Variants in USP6NL observed in about 807,000 individuals in gnomAD.
USP6NL encodes the protein USP6 N-terminal like.
A neutral mutation model predicts 61.9 loss-of-function variants in USP6NL; 26 were observed. The ratio of observed to expected loss-of-function variants is 0.42; its 90% CI spans 0.31 to 0.58. The LOEUF is 0.58. USP6NL is among the 20% of genes least tolerant of loss of function. The probability of loss-of-function intolerance (pLI) is 0.16; values close to 1 mark genes in which losing one functional copy is unlikely to be tolerated. For synonymous variants in USP6NL, 432 were observed against 390.1 expected, an observed-to-expected ratio of 1.11 and a Z score of -1.27; for missense variants, 1,114 against 1,034.3, an observed-to-expected ratio of 1.08 and a Z score of -1.06.
chr10:11,563,298 T>C (rs1405824621), intron 2 of USP6NL: 3 of 152,166 alleles, frequency 2.0e-5, no homozygotes, highest in East Asian at 1.9e-4. Context: ...AAGGGTATGA[T>C]AGAAAGGGCA....
chr10:11,497,343 G>A (rs1157309018), intron 7 of USP6NL, among the ~76,000 whole-genome samples: 10 of 149,892 alleles, frequency 6.7e-5, no homozygotes, highest in South Asian at 2.1e-4. Flanking sequence ...CCCGGGAGGC[G>A]GAGCTTGCAG....
In USP6NL at chr10:11,462,829, A is replaced by AC; in HGVS notation, c.2098dup (p.Val700GlyfsTer5). ...CCCAGCACCAGTGTCAACAGGGAGG[A>AC]CTTCTATTCGACTAGACGGCAGTAC... On this transcript the variant is annotated frameshift_variant, in exon 15 of 15. Coordinates refer to ENST00000609104, the MANE Select transcript of USP6NL (RefSeq NM_014688.5). LOFTEE classifies it low-confidence loss of function (END_TRUNC). 6.2e-7 allele frequency: 1 copy of AC among 1,613,888 alleles called. No individual in the cohort carries two copies. Among genetic ancestry groups the AC allele is most frequent in the Non-Finnish European group, 8.5e-7 (1 of 1,179,876 alleles).
At chr10:11,509,874 A>G (rs1156701451) in intron 5 of USP6NL, among the ~76,000 whole-genome samples, 199 bp from the exon 6 acceptor site, 1 of 152,226 alleles carries the variant, frequency 6.6e-6, no homozygotes, top group Non-Finnish European at 1.5e-5. Flanking sequence ...TTAATAGGAA[A>G]TGCTCTCTCT....
chr10:11,497,225 C>T (rs768807346), intron 7 of USP6NL, among the ~76,000 whole-genome samples: 12 of 149,260 alleles, frequency 8.0e-5, no homozygotes, highest in Admixed American at 6.7e-4. Context: ...TTGGCTAACA[C>T]GGTGAAACCC....
rs949321093 is a variant in USP6NL, at chr10:11,596,348, G to A, written c.4+1283C>T. Among the ~76,000 whole-genome samples, 8 of 152,134 alleles carry A rather than the reference G, an allele frequency of 5.3e-5. No homozygotes were observed. The highest frequency in any genetic ancestry group is 2.1e-4 in the South Asian group (1 of 4,834). ...AACAAAAGCTCTTTCTTGGCCGGGC[G>A]CGGTGGCTCACGCCTGTAATCCCAG... On this transcript the variant is annotated intron_variant, in intron 2 of 14. Transcript: ENST00000609104. The surrounding 1 kb of genome is among the most constrained non-coding windows in gnomAD (Gnocchi z 4.1).
At position 11,562,649 on chromosome 10, in the gene USP6NL, A is replaced by C; in HGVS notation, c.4+34982T>G. ...CTGAACAGTCCTCTAATTATTTGTGACACTCAACATTCATATGTTGTTAGC... is the reference window on the plus strand; with the variant it reads ...CTGAACAGTCCTCTAATTATTTGTGCCACTCAACATTCATATGTTGTTAGC... On this transcript the variant is annotated intron_variant, in intron 2 of 14. Transcript: ENST00000609104. This position sits in a 1 kb window ranked among gnomAD's most constrained non-coding sequence, Gnocchi z 4.8. 4 of 985,438 alleles carry C rather than the reference A, an allele frequency of 4.1e-6. No individual in the cohort carries two copies. Among genetic ancestry groups the C allele is most frequent in the Non-Finnish European group, 4.8e-6 (4 of 829,936 alleles). 61.0% of individuals were successfully genotyped at this position (985,438 alleles called of 1,614,324 possible). A position where few individuals can be genotyped will look rare whatever the true frequency, so the allele number is the denominator to read the frequency against.
intron 2 of USP6NL, among the ~76,000 whole-genome samples, chr10:11,539,410 T>C (rs557235758): frequency 2.0e-5 from 3 of 152,188 alleles, no homozygotes; most frequent in Non-Finnish European, 4.4e-5. Context: ...AGAAACAGTA[T>C]CACTTAGTGA....
chr10:11,505,644 G>T (rs557621533), intron 6 of USP6NL, among the ~76,000 whole-genome samples: 3 of 152,164 alleles, frequency 2.0e-5, no homozygotes, highest in South Asian at 4.2e-4. Flanking sequence ...AAAGTCTACA[G>T]TAGTCCCACA....
At chr10:11,504,536 ATCACACTG>A (rs1834353662) in intron 6 of USP6NL, among the ~76,000 whole-genome samples, 1 of 152,240 alleles carries the variant, frequency 6.6e-6, no homozygotes, top group Non-Finnish European at 1.5e-5. Flanking sequence ...TTTCTGCCAA[ATCACACTG>A]TCTTCTAAAA....
chr10:11,526,295 C>G (rs554679737), intron 3 of USP6NL, among the ~76,000 whole-genome samples: 1 of 152,288 alleles, frequency 6.6e-6, no homozygotes, highest in South Asian at 2.1e-4. Flanking sequence ...TCCCAACTGT[C>G]TTGTGGACAC....
Position 11,489,217 on chromosome 10 carries a change from G to A in USP6NL, c.549C>T (p.Val183=), listed in dbSNP as rs746500921. 2.6e-5 allele frequency: 42 copies of A among 1,613,558 alleles called. No individual in the cohort carries two copies. Among genetic ancestry groups the A allele is most frequent in the East Asian group, 1.1e-4 (5 of 44,882 alleles). The part of the protein sequence containing the change: ...LAAYSIYNTE[V]GYCQGMSQIT... ...TCTGGCTCATCCCCTGACAATACCC[G>A]ACTTCCTGGGGAGCAAAGGGGAACA... Residue 183 remains valine (V), a synonymous_variant, in exon 10 of 15, where the codon GTC becomes GTT. Transcript: ENST00000609104. The surrounding 1 kb of genome is among the most constrained non-coding windows in gnomAD (Gnocchi z 5.7).
In USP6NL at chr10:11,478,434, G is replaced by A. The variant is rs1450058269; in HGVS notation, c.1078+3336C>T. ...AAACCTCAACGACTGTAAAATAAAA[G>A]CTTTTACTTAGAAAAACTCAATTTT... is the stretch of plus-strand genomic sequence containing the variant. On this transcript the variant is annotated intron_variant, in intron 14 of 14. Transcript: ENST00000609104. The surrounding 1 kb of genome is among the most constrained non-coding windows in gnomAD (Gnocchi z 6.8). Among the ~76,000 whole-genome samples, 1 of 152,046 alleles carries A rather than the reference G, an allele frequency of 6.6e-6. No individual in the cohort carries two copies. Among genetic ancestry groups the A allele is most frequent in the African/African-American group, 2.4e-5 (1 of 41,398 alleles).
chr10:11,513,070 T>C lies in USP6NL; in HGVS notation c.196-3395A>G, dbSNP rs183485367. Among the ~76,000 whole-genome samples, 372 of 152,372 alleles carry C rather than the reference T, an allele frequency of 2.4e-3. 1 individual carries two copies. Among genetic ancestry groups the C allele is most frequent in the African/African-American group, 8.2e-3 (340 of 41,590 alleles). On this transcript the variant is annotated intron_variant, in intron 5 of 14. Coordinates refer to ENST00000609104, the MANE Select transcript of USP6NL (RefSeq NM_014688.5). The surrounding 1 kb of genome is among the most constrained non-coding windows in gnomAD (Gnocchi z 4.7). ...ACTCCTTGACTACAGAGACTGGATA[T>C]GTTCATGTTTTTATCACCTAAAACA...
rs1338587836 is a variant in USP6NL at position 11,485,015 on chromosome 10, C to T, written c.881G>A (p.Arg294Gln). ...GGTGTAAGACATAGCAGTAAGAACTCGTTCTCCTTCAAAGATGTAGATATC... is the reference window on the plus strand; with the variant it reads ...GGTGTAAGACATAGCAGTAAGAACTTGTTCTCCTTCAAAGATGTAGATATC... ...IWDIYIFEGE[R>Q]VLTAMSYTIL... The change falls in exon 13 of 15, where the codon CGA (arginine) becomes CAA (glutamine). Residue 294 changes from arginine (R) to glutamine (Q), a missense_variant. Arg to Gln is a conservative substitution (Grantham distance 43). Transcript: ENST00000609104. The surrounding 1 kb of genome is among the most constrained non-coding windows in gnomAD (Gnocchi z 4.8). 2.6e-6 allele frequency: 4 copies of T among 1,551,086 alleles called. No individual in the cohort carries two copies. The highest frequency in any genetic ancestry group is 2.0e-5 in the Admixed American group (1 of 50,710).
intron 2 of USP6NL, among the ~76,000 whole-genome samples, chr10:11,555,408 T>A: frequency 1.7e-5 from 1 of 59,446 alleles, no homozygotes; most frequent in Non-Finnish European, 3.1e-5. Context: ...AGAGTGAAAC[T>A]CGGTCTTAAA....
At chr10:11,566,541 C>T (rs1048486203) in intron 2 of USP6NL, among the ~76,000 whole-genome samples, 1 of 152,172 alleles carries the variant, frequency 6.6e-6, no homozygotes, top group African/African-American at 2.4e-5. Flanking sequence ...CACAGAGAAA[C>T]TAAGTTGCTC....
intron 8 of USP6NL, 140 bp downstream of exon 8, chr10:11,492,979 C>T (rs938811561): frequency 1.6e-6 from 1 of 639,112 alleles, no homozygotes; most frequent in Non-Finnish European, 2.5e-6. Context: ...TTTCACACAA[C>T]ATGGACGCAA....
chr10:11,468,807 T>C lies in USP6NL; in HGVS notation c.1079-4958A>G, dbSNP rs1490015996. On this transcript the variant is annotated intron_variant, in intron 14 of 14. Coordinates refer to ENST00000609104, the MANE Select transcript of USP6NL (RefSeq NM_014688.5). This position sits in a 1 kb window ranked among gnomAD's most constrained non-coding sequence, Gnocchi z 4.5. ...ACTGAGCTGGACACATAGTAAAATG[T>C]AGAATTACCAATATAAGGCATGTGT... Among the ~76,000 whole-genome samples the C allele has an allele frequency of 1.3e-5, 2 of 152,290 alleles. No individual in the cohort carries two copies. The highest frequency in any genetic ancestry group is 2.4e-5 in the African/African-American group (1 of 41,560).
At chr10:11,503,814 C>T (rs1244422833) in intron 6 of USP6NL, among the ~76,000 whole-genome samples, 5 of 152,100 alleles carry the variant, frequency 3.3e-5, no homozygotes, top group South Asian at 2.1e-4. Flanking sequence ...ATTTTACCAA[C>T]GTAGAACGTG....
Sources: gnomAD v4.1 joint callset for allele counts (sites outside exome capture counted in the v4.1 genomes callset) on GRCh38, gnomAD v4.1.1 for gene constraint, Gnocchi (gnomAD v3.1) non-coding constraint, MANE v1.5 for transcripts, NCBI Gene and HGNC (gene_info 2026-07-23, HGNC 2026-07-21) for gene names.